Variants in SPNS1 observed in about 807,000 individuals in gnomAD.
SPNS1 encodes the protein protein spinster homolog 1.
In SPNS1, 22 loss-of-function variants were observed where a neutral mutation model predicts 50.3. The observed-to-expected ratio is 0.44, with a 90% CI of 0.31 to 0.62. SPNS1 has a LOEUF of 0.62. Ranked by LOEUF, SPNS1 falls within the 20% of genes least tolerant of loss-of-function variation. SPNS1 has a pLI of 0.07. For synonymous variants in SPNS1, 295 were observed against 317.4 expected (o/e 0.93, Z 0.75); for missense variants, 576 against 728.6 (o/e 0.79, Z 2.41).
Position 28,981,185 on chromosome 16 carries a change from G to C in SPNS1, c.664-285G>C, listed in dbSNP as rs1965537696. On this transcript the variant is annotated intron_variant, in intron 5 of 11. Coordinates refer to ENST00000311008, the MANE Select transcript of SPNS1 (RefSeq NM_032038.3). The surrounding 1 kb of genome is among the most constrained non-coding windows in gnomAD (Gnocchi z 4.2). ...TGGGGTGGTTAACAGTCCTCTTGTT[G>C]GCCAAGCCTGGGATCCTATTTAAAC... Among the ~76,000 whole-genome samples, 1 of 152,140 alleles carries C rather than the reference G, an allele frequency of 6.6e-6. No individual in the cohort carries two copies. The highest frequency in any genetic ancestry group is 6.5e-5 in the Admixed American group (1 of 15,272).
chr16:28,979,673 C>T, intron 5 of SPNS1: 2 of 600,554 alleles, frequency 3.3e-6, no homozygotes, highest in South Asian at 3.8e-5. Flanking sequence ...ACCTCAGCCT[C>T]CCAAGTAGCT....
At position 28,981,047 on chromosome 16, in the gene SPNS1, T is replaced by A. The variant is rs921534494; in HGVS notation, c.664-423T>A. 1.3e-5 allele frequency among the ~76,000 whole-genome samples: 2 copies of A among 152,196 alleles called. No homozygotes were observed. Among genetic ancestry groups the A allele is most frequent in the Non-Finnish European group, 2.9e-5 (2 of 68,028 alleles). Reference sequence around the variant, plus strand: ...TAAGGACGTGAGAACTCCAGATGATTACCTTTCCATTTAGCAACATTGGCA... The same window carrying A: ...TAAGGACGTGAGAACTCCAGATGATAACCTTTCCATTTAGCAACATTGGCA... On this transcript the variant is annotated intron_variant, in intron 5 of 11. Coordinates refer to ENST00000311008, the MANE Select transcript of SPNS1 (RefSeq NM_032038.3). The surrounding 1 kb of genome is among the most constrained non-coding windows in gnomAD (Gnocchi z 4.2).
chr16:28,977,819 G>T, intron 2 of SPNS1, 89 bp from the exon 3 acceptor site: 2 of 1,499,900 alleles, frequency 1.3e-6, no homozygotes, highest in Non-Finnish European at 1.8e-6. Context: ...GAGAAGGCAG[G>T]CATCTCCTGT....
Position 28,975,084 on chromosome 16 carries a change from GCCTCCT to G in SPNS1, c.-65_-60del, listed in dbSNP as rs1204172573. ...TGTTCGGTCCATCCTCCTTTCTCCAGCCTCCTCCCCTCGCAGGTGGGATCGTCGGTG... is the reference window on the plus strand; with the variant it reads ...TGTTCGGTCCATCCTCCTTTCTCCAGCCCCTCGCAGGTGGGATCGTCGGTG... On this transcript the variant is annotated 5_prime_UTR_variant, in exon 1 of 12. Transcript: ENST00000311008. 54 of 1,439,858 alleles carry G rather than the reference GCCTCCT, an allele frequency of 3.8e-5. No homozygotes were observed. The highest frequency in any genetic ancestry group is 4.8e-5 in the Non-Finnish European group (53 of 1,101,464). 89.2% of individuals were successfully genotyped at this position (1,439,858 alleles called of 1,614,324 possible). A position where few individuals can be genotyped will look rare whatever the true frequency, so the allele number is the denominator to read the frequency against.
chr16:28,975,188 G>T lies in SPNS1; in HGVS notation c.37G>T (p.Ala13Ser). The T allele has an allele frequency of 6.7e-7, 1 of 1,496,464 alleles. No individual in the cohort carries two copies. The highest frequency in any genetic ancestry group is 1.2e-5 in the South Asian group (1 of 80,166). 92.7% of individuals were successfully genotyped at this position (1,496,464 alleles called of 1,614,324 possible). ...CGACACCGCGCCCTTCCTCAGCCAG[G>T]CGGATGACCCGGACGACGGGCCAGT... ...GSDTAPFLSQ[A>S]DDPDDGPVPG... The change falls in exon 1 of 12, where the codon GCG becomes TCG. Residue 13 changes from alanine to serine, a missense_variant. Ala to Ser is a moderately conservative substitution (Grantham distance 99). This residue lies in a region of SPNS1 where 144 missense variants were observed against 181.2 expected (regional missense o/e 0.79). Coordinates refer to ENST00000311008, the MANE Select transcript of SPNS1 (RefSeq NM_032038.3).
Position 28,981,198 on chromosome 16 carries a change from A to G in SPNS1, c.664-272A>G, listed in dbSNP as rs1379923071. 6.6e-6 allele frequency among the ~76,000 whole-genome samples: 1 copy of G among 152,146 alleles called. No homozygotes were observed. The highest frequency in any genetic ancestry group is 1.9e-4 in the East Asian group (1 of 5,198). On this transcript the variant is annotated intron_variant, in intron 5 of 11. Transcript: ENST00000311008. This position sits in a 1 kb window ranked among gnomAD's most constrained non-coding sequence, Gnocchi z 4.2. ...AGTCCTCTTGTTGGCCAAGCCTGGG[A>G]TCCTATTTAAACCAAGTGGATTGAG...
chr16:28,984,050 C>T (rs1034828510), intron 11 of SPNS1, 93 bp downstream of exon 11: 37 of 1,470,634 alleles, frequency 2.5e-5, no homozygotes, highest in Non-Finnish European at 3.3e-5. Context: ...CAGCTCAGTC[C>T]ACAGCCCTCC....
At chr16:28,976,071 A>G (rs560622827) in intron 2 of SPNS1, among the ~76,000 whole-genome samples, 1 of 152,276 alleles carries the variant, frequency 6.6e-6, no homozygotes, top group South Asian at 2.1e-4. Context: ...TAGGAGTTCA[A>G]GACCAGCCTG....
At position 28,983,701 on chromosome 16, in the gene SPNS1, T is replaced by C; in HGVS notation, c.1321-85T>C. The C allele has an allele frequency of 7.0e-7, 1 of 1,438,188 alleles. No homozygotes were observed. The highest frequency in any genetic ancestry group is 9.3e-7 in the Non-Finnish European group (1 of 1,078,348). 89.1% of individuals were successfully genotyped at this position (1,438,188 alleles called of 1,614,324 possible). On this transcript the variant is annotated intron_variant, in intron 10 of 11. Transcript: ENST00000311008. The surrounding 1 kb of genome is among the most constrained non-coding windows in gnomAD (Gnocchi z 5.4). ...TTCCCTTTCCTGGGCTCCACTTGTC[T>C]TTCTCCCTGGAGCTCAGGGGCGTGC...
At chr16:28,982,734 G>A (rs747791146) in intron 8 of SPNS1, 123 bp from the exon 9 acceptor site, 421 of 1,264,268 alleles carry the variant, frequency 3.3e-4, no homozygotes, top group Non-Finnish European at 4.5e-4. Context: ...GGGGATATTA[G>A]TAGCACCTGT....
Position 28,983,826 on chromosome 16 carries a change from T to C in SPNS1, c.1361T>C (p.Leu454Ser). 2 of 1,604,352 alleles carry C rather than the reference T, an allele frequency of 1.2e-6. No individual in the cohort carries two copies. Among genetic ancestry groups the C allele is most frequent in the Non-Finnish European group, 1.7e-6 (2 of 1,178,324 alleles). The change falls in exon 11 of 12, where the codon TTG becomes TCG. Residue 454 changes from leucine (L) to serine (S), a missense_variant. By Grantham distance (145) the Leu-to-Ser change is moderately radical. Coordinates refer to ENST00000311008, the MANE Select transcript of SPNS1 (RefSeq NM_032038.3). This position sits in a 1 kb window ranked among gnomAD's most constrained non-coding sequence, Gnocchi z 5.4. ...RLRRNWPPSF[L>S]SEFRALQFSL... ...CGCCGGAACTGGCCCCCCTCCTTCT[T>C]GTCCGAGTTCCGGGCTCTGCAGTTC...
At chr16:28,979,601 A>G in intron 5 of SPNS1, 130 bp downstream of exon 5, 2 of 933,740 alleles carry the variant, frequency 2.1e-6, no homozygotes, top group Non-Finnish European at 3.4e-6. Context: ...CCCAGGCTGC[A>G]GTGCAGTGGT....
chr16:28,981,323 C>A lies in SPNS1; in HGVS notation c.664-147C>A. 1.9e-6 allele frequency: 2 copies of A among 1,033,634 alleles called. No individual in the cohort carries two copies. The highest frequency in any genetic ancestry group is 2.7e-6 in the Non-Finnish European group (2 of 727,504). The allele number at this position is 1,033,634 out of a possible 1,614,324, so 64.0% of individuals were successfully genotyped here. A position where few individuals can be genotyped will look rare whatever the true frequency, so the allele number is the denominator to read the frequency against. Reference sequence around the variant, plus strand: ...GCCCCTAGTGGCAGCCCCCTTCCCCCAGATTGCAGGTTCGGCTTCTTGGAG... The same window carrying A: ...GCCCCTAGTGGCAGCCCCCTTCCCCAAGATTGCAGGTTCGGCTTCTTGGAG... On this transcript the variant is annotated intron_variant, in intron 5 of 11. Coordinates refer to ENST00000311008, the MANE Select transcript of SPNS1 (RefSeq NM_032038.3). The surrounding 1 kb of genome is among the most constrained non-coding windows in gnomAD (Gnocchi z 4.2).
Position 28,975,032 on chromosome 16 carries a change from C to G in SPNS1, c.-120C>G. On this transcript the variant is annotated 5_prime_UTR_variant, in exon 1 of 12. Coordinates refer to ENST00000311008, the MANE Select transcript of SPNS1 (RefSeq NM_032038.3). Reference sequence around the variant, plus strand: ...GCTCTGTGCTTCAGGGCAAGCTCCCCGTCTCCGGGCGCACTTCCCTCGCCT... The same window carrying G: ...GCTCTGTGCTTCAGGGCAAGCTCCCGGTCTCCGGGCGCACTTCCCTCGCCT... The G allele has an allele frequency of 1.4e-6, 2 of 1,432,382 alleles. No individual in the cohort carries two copies. 88.7% of individuals were successfully genotyped at this position (1,432,382 alleles called of 1,614,324 possible). A position where few individuals can be genotyped will look rare whatever the true frequency, so the allele number is the denominator to read the frequency against.
At chr16:28,982,760 T>A in intron 8 of SPNS1, 97 bp from the exon 9 acceptor site, 2 of 1,412,120 alleles carry the variant, frequency 1.4e-6, no homozygotes, top group Non-Finnish European at 2.0e-6. Flanking sequence ...TGGGGTGTGA[T>A]GAGGATTAAA....
rs1965567680 is a variant in SPNS1, at chr16:28,981,914, C to T, written c.823C>T (p.Leu275=). 1.9e-6 allele frequency: 3 copies of T among 1,614,194 alleles called. No individual in the cohort carries two copies. Among genetic ancestry groups the T allele is most frequent in the Non-Finnish European group, 2.5e-6 (3 of 1,180,044 alleles). The part of the protein sequence containing the change: ...RALARNPSFV[L]SSLGFTAVAF... ...AACTATCTGCAGTCCTAGTTTCGTC[C>T]TGTCTTCCCTGGGCTTCACTGCTGT... The change falls in exon 7 of 12, where the codon CTG becomes TTG. Residue 275 remains leucine, a synonymous_variant. Transcript: ENST00000311008. This position sits in a 1 kb window ranked among gnomAD's most constrained non-coding sequence, Gnocchi z 4.2.
In SPNS1 at chr16:28,983,867, G is replaced by A. The variant is rs767629651; in HGVS notation, c.1402G>A (p.Ala468Thr). 2.6e-5 allele frequency: 41 copies of A among 1,603,812 alleles called. No individual in the cohort carries two copies. In the East Asian group the frequency reaches 5.1e-4, roughly 20 times the overall value. ...RALQFSLMLC[A>T]FVGALGGAAF... The stretch of plus-strand genomic sequence containing the variant: ...TCTGCAGTTCTCGCTCATGCTCTGC[G>A]CGTTTGTTGGGGCACTGGGCGGCGC... The change falls in exon 11 of 12, where the codon GCG (alanine) becomes ACG (threonine). Residue 468 changes from alanine (A) to threonine (T), a missense_variant. By Grantham distance (58) the Ala-to-Thr change is moderately conservative. Around this residue, in one of 3 missense-constraint regions of SPNS1, gnomAD observed 428 missense variants for 520.1 expected, o/e 0.82. Transcript: ENST00000311008. This position sits in a 1 kb window ranked among gnomAD's most constrained non-coding sequence, Gnocchi z 5.4.
At chr16:28,982,606 G>A (rs970811731) in intron 8 of SPNS1, 61 bp downstream of exon 8, 33 of 1,517,014 alleles carry the variant, frequency 2.2e-5, no homozygotes, top group East Asian at 4.5e-5. Context: ...AGCAGTCAGC[G>A]TAATGGCCAC....
rs749827751 is a variant in SPNS1 at position 28,977,988 on chromosome 16, G to A, written c.388G>A (p.Gly130Arg). ...DRYNRKYLMC[G>R]GIAFWSLVTL... The stretch of plus-strand genomic sequence containing the variant: ...GTACAATCGGAAGTATCTCATGTGC[G>A]GGGGCATTGCCTTCTGGTCCCTGGT... The change falls in exon 3 of 12, where the codon GGG becomes AGG. Residue 130 changes from glycine to arginine, a missense_variant. Around this residue, in one of 3 missense-constraint regions of SPNS1, gnomAD observed 144 missense variants for 181.2 expected, o/e 0.79. Coordinates refer to ENST00000311008, the MANE Select transcript of SPNS1 (RefSeq NM_032038.3). The A allele has an allele frequency of 2.5e-6, 4 of 1,613,836 alleles. No individual in the cohort carries two copies. The highest frequency in any genetic ancestry group is 4.5e-5 in the East Asian group (2 of 44,872).
Sources: gnomAD v4.1 joint callset for allele counts (sites outside exome capture counted in the v4.1 genomes callset) on GRCh38, gnomAD v4.1.1 for gene constraint, gnomAD v4.1.1 regional missense constraint, Gnocchi (gnomAD v3.1) non-coding constraint, MANE v1.5 for transcripts, NCBI Gene and HGNC (gene_info 2026-07-23, HGNC 2026-07-21) for gene names.